Variants in CT45A10 observed in about 807,000 individuals in gnomAD.
CT45A10 encodes cancer/testis antigen family 45 member A10.
Under a neutral mutation model 8.3 loss-of-function variants are expected in CT45A10, and 19 were observed. That is an observed-to-expected ratio of 2.30 (90% confidence interval 1.61 to 3.38). The LOEUF (loss-of-function observed/expected upper bound fraction) is 3.38. Among genes scored for constraint, CT45A10 ranks in the 30% most tolerant of loss-of-function variants. The pLI, the probability that CT45A10 is intolerant of heterozygous loss-of-function variation, is 0.00. For synonymous variants in CT45A10, 28 were observed against 26.5 expected, an observed-to-expected ratio of 1.06 and a Z score of -0.17; for missense variants, 149 against 85.9, an observed-to-expected ratio of 1.73 and a Z score of -2.90.
intron 1 of CT45A10, among the ~76,000 whole-genome samples, chrX:135,891,999 A>C (rs1411863013): frequency 2.3e-5 from 2 of 87,663 alleles, no homozygotes; most frequent in Non-Finnish European, 4.4e-5. Flanking sequence ...TGACCAATAA[A>C]CACATGAAAA....
Position 135,882,546 on chromosome X carries a change from C to T in CT45A10, c.502G>A (p.Glu168Lys), listed in dbSNP as rs1236863725. The T allele has an allele frequency of 1.4e-5, 16 of 1,113,925 alleles. No individual in the cohort carries two copies. The Admixed American group carries it at 3.1e-4, about 22-fold the overall frequency. 91.8% of individuals were successfully genotyped at this position (1,113,925 alleles called of 1,213,427 possible). A position where few individuals can be genotyped will look rare whatever the true frequency, so the allele number is the denominator to read the frequency against. ...CCTATTTCTACCCACCTTGCTGCTT[C>T]CTTGATGATGGATTCAAAAAATCGT... is the stretch of plus-strand genomic sequence containing the variant. ...RKRFFESIIK[E>K]AARCMRRDFV... The change falls in exon 4 of 5, where the codon GAA becomes AAA. Residue 168 changes from glutamate to lysine, a missense_variant. By Grantham distance (56) the Glu-to-Lys change is moderately conservative. Transcript: ENST00000682849.
chrX:135,886,758 T>C (rs1165288246), intron 1 of CT45A10, among the ~76,000 whole-genome samples: 21 of 91,731 alleles, frequency 2.3e-4, no homozygotes, highest in African/African-American at 8.2e-4. Flanking sequence ...TTTCCATGCA[T>C]TGGAAGACAT....
chrX:135,882,975 G>C (rs2088399359), intron 3 of CT45A10, 33 bp downstream of exon 3: 6 of 1,189,361 alleles, frequency 5.0e-6, no homozygotes, highest in Non-Finnish European at 6.8e-6. Flanking sequence ...ACTTCCTACA[G>C]TTTTATAAAA....
In CT45A10 at chrX:135,883,039, T is replaced by C. The variant is rs1227199392; in HGVS notation, c.387A>G (p.Gln129=). 56 of 1,198,784 alleles carry C rather than the reference T, an allele frequency of 4.7e-5. No individual in the cohort carries two copies. Among genetic ancestry groups the C allele is most frequent in the Non-Finnish European group, 5.9e-5 (52 of 885,695 alleles). The change falls in exon 3 of 5, where the codon CAA becomes CAG. Residue 129 remains glutamine, a synonymous_variant. Transcript: ENST00000682849. ...QQEINADIKC[Q]VVKEIRCLGR... ...CAAGGCATCGGATTTCCTTCACTAC[T>C]TGACATTTTATATCAGCATTAATTT...
chrX:135,886,770 T>TG (rs2088433317), intron 1 of CT45A10, among the ~76,000 whole-genome samples: 1 of 84,693 alleles, frequency 1.2e-5, no homozygotes, highest in Non-Finnish European at 2.4e-5. Flanking sequence ...GGAAGACATT[T>TG]TTTTTTTTTT....
chrX:135,887,706 G>T (rs2088444868), intron 1 of CT45A10, among the ~76,000 whole-genome samples: 1 of 106,964 alleles, frequency 9.3e-6, no homozygotes, highest in Admixed American at 1.0e-4. Flanking sequence ...TCCAGTCTGG[G>T]TGACAGAGGG....
Position 135,883,228 on chromosome X carries a change from G to C in CT45A10, c.198C>G (p.Pro66=), listed in dbSNP as rs2088408044. The C allele has an allele frequency of 8.4e-7, 1 of 1,197,218 alleles. No individual in the cohort carries two copies. Among genetic ancestry groups the C allele is most frequent in the Non-Finnish European group, 1.1e-6 (1 of 885,795 alleles). Residue 66 remains proline, a synonymous_variant, in exon 3 of 5, where the codon CCC becomes CCG. Transcript: ENST00000682849. ...CATCAATCTGAGAATCCAATTGGCT[G>C]GGTGGAATAGCATGTCCTGTCATAA... The part of the protein sequence containing the change: ...KKLMTGHAIP[P]SQLDSQIDDF...
At chrX:135,883,627 T>C (rs1230309387) in intron 2 of CT45A10, among the ~76,000 whole-genome samples, 1 of 99,698 alleles carries the variant, frequency 1.0e-5, no homozygotes, top group Non-Finnish European at 2.0e-5. Flanking sequence ...TTCAGCTTGT[T>C]ATGCTTTACA....
At chrX:135,882,950 A>G in intron 3 of CT45A10, 58 bp downstream of exon 3, 1 of 1,163,324 alleles carries the variant, frequency 8.6e-7, no homozygotes, top group Non-Finnish European at 1.2e-6. Flanking sequence ...TATCTTCTGA[A>G]TCATAGAAAG....
chrX:135,882,588 G>C lies in CT45A10; in HGVS notation c.460C>G (p.Pro154Ala), dbSNP rs1258762773. 3 of 1,158,294 alleles carry C rather than the reference G, an allele frequency of 2.6e-6. No individual in the cohort carries two copies. The highest frequency in any genetic ancestry group is 1.9e-5 in the South Asian group (1 of 53,921). Reference protein sequence around the residue: ...IFEMLEGVQGPTAVRKRFFES... With the variant: ...IFEMLEGVQGATAVRKRFFES... ...AAAAATCGTTTCCTGACTGCAGTAG[G>C]TCCTTGCACTCCTTCAAGCATTTCG... is the stretch of plus-strand genomic sequence containing the variant. Residue 154 changes from proline (P) to alanine (A), a missense_variant, in exon 4 of 5, where the codon CCT becomes GCT. Physicochemically the swap from Pro to Ala is conservative, Grantham distance 27 (BLOSUM62 -1). Transcript: ENST00000682849.
At chrX:135,891,642 G>T (rs1556590075) in intron 1 of CT45A10, among the ~76,000 whole-genome samples, 1 of 110,096 alleles carries the variant, frequency 9.1e-6, no homozygotes, top group Non-Finnish European at 1.9e-5. Context: ...GTGAATAGGA[G>T]ATCTAGAAGA....
At chrX:135,892,407 G>C (rs1010058538) in intron 1 of CT45A10, among the ~76,000 whole-genome samples, 2 of 111,944 alleles carry the variant, frequency 1.8e-5, no homozygotes, top group African/African-American at 3.2e-5. Flanking sequence ...TGCATGTGGC[G>C]AATCTGGAAC....
rs2088408044 is a variant in CT45A10, at chrX:135,883,228, G to T, written c.198C>A (p.Pro66=). 1 of 1,195,439 alleles carries T rather than the reference G, an allele frequency of 8.4e-7. No individual in the cohort carries two copies. The highest frequency in any genetic ancestry group is 1.1e-6 in the Non-Finnish European group (1 of 885,494). The change falls in exon 3 of 5, where the codon CCC becomes CCA. Residue 66 remains proline, a synonymous_variant. Transcript: ENST00000682849. The part of the protein sequence containing the change: ...KKLMTGHAIP[P]SQLDSQIDDF... ...CATCAATCTGAGAATCCAATTGGCT[G>T]GGTGGAATAGCATGTCCTGTCATAA...
intron 1 of CT45A10, among the ~76,000 whole-genome samples, chrX:135,892,987 G>A (rs2088522930): frequency 1.8e-5 from 2 of 110,572 alleles, no homozygotes; most frequent in African/African-American, 6.6e-5. Context: ...CACCGAGCAG[G>A]GAAGAAACAC....
intron 1 of CT45A10, among the ~76,000 whole-genome samples, chrX:135,891,379 A>G (rs1355781926): frequency 9.3e-6 from 1 of 107,708 alleles, no homozygotes; most frequent in Admixed American, 1.0e-4. Context: ...TACATTAATC[A>G]TATATAAATA....
chrX:135,891,549 G>A (rs1426265394), intron 1 of CT45A10, among the ~76,000 whole-genome samples: 1 of 109,764 alleles, frequency 9.1e-6, no homozygotes, highest in Non-Finnish European at 1.9e-5. Flanking sequence ...TATCATAAGA[G>A]TCATACTCAA....
In CT45A10 at chrX:135,883,085, G is replaced by A. The variant is rs1209097838; in HGVS notation, c.341C>T (p.Ser114Phe). 3.3e-6 allele frequency: 4 copies of A among 1,197,203 alleles called. No homozygotes were observed. The highest frequency in any genetic ancestry group is 4.4e-5 in the Admixed American group (2 of 45,489). ...AATTTCTTGTTGGCTTTTGGGAGAG[G>A]AGGCTATTCCTCTGCATTCTAGGTC... ...GDDLECRGIA[S>F]SPKSQQEINA... The change falls in exon 3 of 5, where the codon TCC (serine) becomes TTC (phenylalanine). Residue 114 changes from serine to phenylalanine, a missense_variant. Physicochemically the swap from Ser to Phe is radical, Grantham distance 155 (BLOSUM62 -2). Coordinates refer to ENST00000682849, the MANE Select transcript of CT45A10 (RefSeq NM_001291529.2).
chrX:135,882,672 A>T (rs1432565866), intron 3 of CT45A10, 43 bp from the exon 4 acceptor site: 6 of 1,103,825 alleles, frequency 5.4e-6, no homozygotes, highest in Non-Finnish European at 6.1e-6. Context: ...TCAAATATAA[A>T]GAAGAATAGA....
At chrX:135,887,601 A>T (rs2088442732) in intron 1 of CT45A10, among the ~76,000 whole-genome samples, 1 of 103,903 alleles carries the variant, frequency 9.6e-6, no homozygotes, top group East Asian at 3.1e-4. Context: ...AAGGAACTTC[A>T]TAAAAGGCAT....
Sources: gnomAD v4.1 joint callset for allele counts (sites outside exome capture counted in the v4.1 genomes callset) on GRCh38, gnomAD v4.1.1 for gene constraint, MANE v1.5 for transcripts, NCBI Gene and HGNC (gene_info 2026-07-23, HGNC 2026-07-21) for gene names.